The following HLA-DMB variants were observed in gnomAD, a reference collection of about 807,000 sequenced individuals.
HLA-DMB encodes the protein HLA class II histocompatibility antigen, DM beta chain.
Under a neutral mutation model 29.3 loss-of-function variants are expected in HLA-DMB, and 18 were observed. The observed-to-expected ratio is 0.62, with a 90% CI of 0.43 to 0.91. The LOEUF is 0.91. HLA-DMB is among the 40% of genes least tolerant of loss of function. The pLI, the probability that HLA-DMB is intolerant of heterozygous loss-of-function variation, is 0.00. For synonymous variants in HLA-DMB, 143 were observed against 128.7 expected (o/e 1.11, Z -0.75); for missense variants, 258 against 320.9 (o/e 0.80, Z 1.50).
chr6:32,935,881 T>A (rs941258954), intron 3 of HLA-DMB: 1 of 577,368 alleles, frequency 1.7e-6, no homozygotes, highest in African/African-American at 1.9e-5. Flanking sequence ...AGAATTAGCA[T>A]CCTGGCTTCC....
intron 3 of HLA-DMB, chr6:32,936,928 G>C (rs1479358110): frequency 2.6e-6 from 1 of 379,376 alleles, no homozygotes; most frequent in Non-Finnish European, 4.7e-6. Flanking sequence ...ATATTAAACT[G>C]GTGCAAAAGT....
chr6:32,935,216 C>G, intron 5 of HLA-DMB, 126 bp downstream of exon 5: 1 of 893,252 alleles, frequency 1.1e-6, no homozygotes. Flanking sequence ...TAAATCATGC[C>G]CTTGCCTAGA....
In HLA-DMB at chr6:32,938,697, C is replaced by T. The variant is rs758427530; in HGVS notation, c.324G>A (p.Leu108=). The change falls in exon 2 of 6, where the codon CTG becomes CTA. Residue 108 remains leucine, a synonymous_variant. Transcript: ENST00000418107. The part of the protein sequence containing the change: ...ATHTQPFWGS[L]TNRTRPPSVQ... ...CTCTCTCCTCACGTGTCCTGTTGGT[C>T]AGTGATCCCCAGAAGGGCTGGGTGT... 9 of 1,519,706 alleles carry T rather than the reference C, an allele frequency of 5.9e-6. No homozygotes were observed. In the African/African-American group the frequency reaches 9.8e-5, roughly 17 times the overall value. 94.1% of individuals were successfully genotyped at this position (1,519,706 alleles called of 1,614,324 possible).
At chr6:32,936,943 G>T in intron 3 of HLA-DMB, 1,815 of 327,432 alleles carry the variant, frequency 5.5e-3, no homozygotes, top group Middle Eastern at 8.4e-3. Context: ...AAAAGTAATT[G>T]CGGTTTTTGC....
At position 32,937,517 on chromosome 6, in the gene HLA-DMB, C is replaced by CT; in HGVS notation, c.338-62dup. 6.6e-7 allele frequency: 1 copy of CT among 1,517,130 alleles called. No homozygotes were observed. Among genetic ancestry groups the CT allele is most frequent in the Admixed American group, 1.8e-5 (1 of 54,786 alleles). The allele number at this position is 1,517,130 out of a possible 1,614,324, so 94.0% of individuals were successfully genotyped here. On this transcript the variant is annotated intron_variant, in intron 2 of 5. Coordinates refer to ENST00000418107, the MANE Select transcript of HLA-DMB (RefSeq NM_002118.5). The surrounding 1 kb of genome is among the most constrained non-coding windows in gnomAD (Gnocchi z 4.1). ...GTGACATTCTGGCTGCTTCCTCAAC[C>CT]TGGTTTCTTCCCTATCGCAACTCTT...
Position 32,937,458 on chromosome 6 carries a change from T to C in HLA-DMB, c.338-2A>G. ...TGGCTACTTGCACAGATGGTGGCCC[T>C]GCATAGGAGAAAAAAACATGTTTAG... On this transcript the variant is annotated splice_acceptor_variant, in intron 2 of 5. Transcript: ENST00000418107. LOFTEE classifies it high-confidence loss of function. This position sits in a 1 kb window ranked among gnomAD's most constrained non-coding sequence, Gnocchi z 4.1. 1 of 1,608,122 alleles carries C rather than the reference T, an allele frequency of 6.2e-7. No homozygotes were observed. The highest frequency in any genetic ancestry group is 8.5e-7 in the Non-Finnish European group (1 of 1,175,784).
chr6:32,940,123 C>G (rs1776267918), intron 1 of HLA-DMB, among the ~76,000 whole-genome samples: 1 of 151,502 alleles, frequency 6.6e-6, no homozygotes, highest in African/African-American at 2.4e-5. Context: ...GTTGATTTTT[C>G]CTATATTCAG....
At chr6:32,939,475 G>C (rs1291425373) in intron 1 of HLA-DMB, among the ~76,000 whole-genome samples, 1 of 152,178 alleles carries the variant, frequency 6.6e-6, no homozygotes, top group Non-Finnish European at 1.5e-5. Flanking sequence ...TCCAGATCTG[G>C]TATCTCTTCA....
rs1205360953 is a variant in HLA-DMB at position 32,940,939 on chromosome 6, C to T, written c.-132G>A. The T allele has an allele frequency of 1.6e-6, 1 of 630,200 alleles. No homozygotes were observed. The highest frequency in any genetic ancestry group is 2.8e-6 in the Non-Finnish European group (1 of 360,834). 39.0% of individuals were successfully genotyped at this position (630,200 alleles called of 1,614,324 possible). ...AGACACTGAGCAGAATACTATATTG[C>T]CCGGGTCCCTTGACCCCCCAAATGA... On this transcript the variant is annotated 5_prime_UTR_variant, in exon 1 of 6. Coordinates refer to ENST00000418107, the MANE Select transcript of HLA-DMB (RefSeq NM_002118.5).
intron 3 of HLA-DMB, chr6:32,935,908 A>T: frequency 1.9e-6 from 1 of 517,038 alleles, no homozygotes. Context: ...TCTCTAATAC[A>T]GTGGGGCCTC....
rs755243316 is a variant in HLA-DMB, at chr6:32,938,839, A to G, written c.182T>C (p.Met61Thr). 1.9e-6 allele frequency: 3 copies of G among 1,612,438 alleles called. No homozygotes were observed. Among genetic ancestry groups the G allele is most frequent in the Non-Finnish European group, 1.7e-6 (2 of 1,179,750 alleles). The change falls in exon 2 of 6, where the codon ATG becomes ACG. Residue 61 changes from methionine (M) to threonine (T), a missense_variant. Coordinates refer to ENST00000418107, the MANE Select transcript of HLA-DMB (RefSeq NM_002118.5). ...LTCWDPEENK[M>T]APCEFGVLNS... is the part of the protein sequence containing the mutation. ...CAGCACCCCAAATTCGCAAGGGGCC[A>G]TCTTATTCTCCTCTGGATCCCAGCA...
At chr6:32,935,996 G>GC (rs1258183814) in intron 3 of HLA-DMB, 1 of 291,330 alleles carries the variant, frequency 3.4e-6, no homozygotes, top group Non-Finnish European at 6.4e-6. Context: ...CCTCTCCATT[G>GC]CCCCCACGGT....
intron 3 of HLA-DMB, 31 bp from the exon 4 acceptor site, chr6:32,935,683 T>G (rs752030287): frequency 2.0e-5 from 31 of 1,523,154 alleles, no homozygotes; most frequent in Non-Finnish European, 2.8e-5. Context: ...CTTGACCCAG[T>G]TTCTGTTGCT....
chr6:32,938,718 G>A lies in HLA-DMB; in HGVS notation c.303C>T (p.Thr101=). 1 of 1,563,678 alleles carries A rather than the reference G, an allele frequency of 6.4e-7. No homozygotes were observed. The highest frequency in any genetic ancestry group is 8.7e-7 in the Non-Finnish European group (1 of 1,153,454). The change falls in exon 2 of 6, where the codon ACC becomes ACT. Residue 101 remains threonine, a synonymous_variant. Transcript: ENST00000418107. ...RNGLQNCATH[T]QPFWGSLTNR... Reference sequence around the variant, plus strand: ...TGGTCAGTGATCCCCAGAAGGGCTGGGTGTGTGTGGCACAATTCTGAAGCC... The same window carrying A: ...TGGTCAGTGATCCCCAGAAGGGCTGAGTGTGTGTGGCACAATTCTGAAGCC...
Position 32,934,868 on chromosome 6 carries a change from A to C in HLA-DMB, c.*103T>G. 8.5e-7 allele frequency: 1 copy of C among 1,181,322 alleles called. No homozygotes were observed. Among genetic ancestry groups the C allele is most frequent in the African/African-American group, 1.5e-5 (1 of 66,476 alleles). The allele number at this position is 1,181,322 out of a possible 1,614,324, so 73.2% of individuals were successfully genotyped here. ...AAGAATTGGATGGAGAAACCATAGG[A>C]TCCAAGATAATGTCAGGGGGTTGAA... On this transcript the variant is annotated 3_prime_UTR_variant, in exon 6 of 6. Coordinates refer to ENST00000418107, the MANE Select transcript of HLA-DMB (RefSeq NM_002118.5).
chr6:32,937,555 A>C lies in HLA-DMB; in HGVS notation c.338-99T>G. The stretch of plus-strand genomic sequence containing the variant: ...TATCGCAACTCTTCGTAGATTTTGC[A>C]ACCCACTTTCCACCCCAGCCCCCTC... On this transcript the variant is annotated intron_variant, in intron 2 of 5. Coordinates refer to ENST00000418107, the MANE Select transcript of HLA-DMB (RefSeq NM_002118.5). This position sits in a 1 kb window ranked among gnomAD's most constrained non-coding sequence, Gnocchi z 4.1. 1 of 1,234,830 alleles carries C rather than the reference A, an allele frequency of 8.1e-7. No individual in the cohort carries two copies. The highest frequency in any genetic ancestry group is 2.4e-5 in the East Asian group (1 of 42,186). The allele number at this position is 1,234,830 out of a possible 1,614,324, so 76.5% of individuals were successfully genotyped here.
At position 32,935,353 on chromosome 6, in the gene HLA-DMB, T is replaced by C. The variant is rs764075421; in HGVS notation, c.764A>G (p.Asn255Ser). ...HSSYTPLPGS[N>S]YSEGWHIS The stretch of plus-strand genomic sequence containing the variant: ...AACAGAGATGTTACCTTCTGAATAA[T>C]TGGACCCAGGAAGAGGAGTGTAACC... The change falls in exon 5 of 6, where the codon AAT becomes AGT. Residue 255 changes from asparagine (N) to serine (S), a missense_variant. Transcript: ENST00000418107. 17 of 1,611,310 alleles carry C rather than the reference T, an allele frequency of 1.1e-5. No individual in the cohort carries two copies. The highest frequency in any genetic ancestry group is 3.3e-4 in the Middle Eastern group (2 of 6,058).
rs540648923 is a variant in HLA-DMB, at chr6:32,940,816, C to T, written c.-9G>A. The T allele has an allele frequency of 6.3e-6, 10 of 1,591,086 alleles. No individual in the cohort carries two copies. In the African/African-American group the frequency reaches 1.1e-4, roughly 17 times the overall value. ...GGCAGGAATGTGATCATGCTCTGCT[C>T]TGTAAAGATGCCGGGAGTTCAGTCC... On this transcript the variant is annotated 5_prime_UTR_variant, in exon 1 of 6. Transcript: ENST00000418107.
intron 2 of HLA-DMB, chr6:32,938,282 C>T (rs1280289814): frequency 5.4e-6 from 1 of 183,736 alleles, no homozygotes; most frequent in African/African-American, 2.3e-5. Flanking sequence ...AAGCCATTGT[C>T]AATGCAAGAG....
Sources: allele counts gnomAD v4.1 joint callset (sites outside exome capture counted in the v4.1 genomes callset), GRCh38; gene constraint gnomAD v4.1.1; non-coding constraint Gnocchi (gnomAD v3.1); transcripts MANE v1.5; gene names NCBI Gene and HGNC (gene_info 2026-07-23, HGNC 2026-07-21).